Variants in BEGAIN observed in about 807,000 individuals in gnomAD.
BEGAIN encodes the protein brain-enriched guanylate kinase-associated protein.
A neutral mutation model predicts 35.8 loss-of-function variants in BEGAIN; 19 were observed. The observed-to-expected ratio is 0.53, with a 90% confidence interval of 0.37 to 0.78. BEGAIN has a LOEUF of 0.78. BEGAIN is among the 30% of genes least tolerant of loss of function. The pLI is 0.00. For missense variants in BEGAIN, 795 were observed against 853.6 expected (o/e 0.93, Z 0.85); for synonymous variants, 462 against 388.6 (o/e 1.19, Z -2.22).
At chr14:100,556,146 C>CA (rs1225173669) in intron 2 of BEGAIN, among the ~76,000 whole-genome samples, 1 of 152,120 alleles carries the variant, frequency 6.6e-6, no homozygotes, top group Non-Finnish European at 1.5e-5. Context: ...GATTTGGGCT[C>CA]AAGGCCTCCC....
chr14:100,546,102 C>A (rs1175366704), intron 3 of BEGAIN: 1 of 166,640 alleles, frequency 6.0e-6, no homozygotes, highest in Non-Finnish European at 1.4e-5. Context: ...TGGTTCATCT[C>A]CGGGCTAGAC....
chr14:100,584,298 C>A (rs2139771130), intron 1 of BEGAIN, among the ~76,000 whole-genome samples: 1 of 152,288 alleles, frequency 6.6e-6, no homozygotes, highest in South Asian at 2.1e-4. Context: ...TGATCCCCAC[C>A]CCAGGCAGAC....
intron 2 of BEGAIN, 22 bp from the exon 3 acceptor site, chr14:100,546,684 G>A: frequency 6.5e-7 from 1 of 1,542,208 alleles, no homozygotes; most frequent in Non-Finnish European, 8.7e-7. Context: ...TGGCGGCGGC[G>A]GGCCGGGCCG....
At chr14:100,576,570 G>A (rs997553370) in intron 1 of BEGAIN, among the ~76,000 whole-genome samples, 3 of 152,118 alleles carry the variant, frequency 2.0e-5, no homozygotes, top group Non-Finnish European at 2.9e-5. Flanking sequence ...CCCATCCCAC[G>A]GCCTCCGTCT....
intron 2 of BEGAIN, among the ~76,000 whole-genome samples, chr14:100,551,487 C>T (rs542097897): frequency 1.3e-5 from 2 of 152,288 alleles, no homozygotes; most frequent in African/African-American, 4.8e-5. Flanking sequence ...GATGGGCGTG[C>T]TCAGAAAAAG....
chr14:100,566,655 C>T (rs1335591068), intron 2 of BEGAIN, among the ~76,000 whole-genome samples: 1 of 152,160 alleles, frequency 6.6e-6, no homozygotes, highest in East Asian at 1.9e-4. Flanking sequence ...GCTCTTTGGG[C>T]CTCACCGCCC....
intron 1 of BEGAIN, among the ~76,000 whole-genome samples, chr14:100,576,378 A>C (rs1888581): frequency 0.28 from 43,072 of 151,994 alleles, 6,583 homozygotes; most frequent in African/African-American, 0.38. Context: ...TGGGGACATA[A>C]TGATGGCGCC....
chr14:100,546,782 A>T (rs888996946), intron 2 of BEGAIN, 120 bp from the exon 3 acceptor site: 2 of 157,794 alleles, frequency 1.3e-5, no homozygotes, highest in Non-Finnish European at 9.8e-6. Context: ...GCGCGCGCGC[A>T]CACACACACA....
Position 100,567,571 on chromosome 14 carries a change from C to T in BEGAIN, c.71+340G>A, listed in dbSNP as rs1417823282. Reference sequence around the variant, plus strand: ...GGCACGAACGGAACCCGGAGGGTCCCCGGGGACCAGCGAGAGTCCAGGGCA... The same window carrying T: ...GGCACGAACGGAACCCGGAGGGTCCTCGGGGACCAGCGAGAGTCCAGGGCA... On this transcript the variant is annotated intron_variant, in intron 2 of 6. Transcript: ENST00000554140. The surrounding 1 kb of genome is among the most constrained non-coding windows in gnomAD (Gnocchi z 5.1). 6.6e-6 allele frequency among the ~76,000 whole-genome samples: 1 copy of T among 151,930 alleles called. No homozygotes were observed. Among genetic ancestry groups the T allele is most frequent in the African/African-American group, 2.4e-5 (1 of 41,404 alleles).
Position 100,568,307 on chromosome 14 carries a change from T to TCCCCCCCCCCCCCCCCTTTACCCCTCCCC in BEGAIN, c.43-369_43-368insGGGGAGGGGTAAAGGGGGGGGGGGGGGGG. On this transcript the variant is annotated intron_variant, in intron 1 of 6. Coordinates refer to ENST00000554140, the MANE Select transcript of BEGAIN (RefSeq NM_001385089.1). The surrounding 1 kb of genome is among the most constrained non-coding windows in gnomAD (Gnocchi z 7.5). ...TCTCCGGCGGCCGCGGCCCCGCTGC[T>TCCCCCCCCCCCCCCCCTTTACCCCTCCCC]CCCCCCGCCCCGCCCGTTAACCCTT... 1.4e-6 allele frequency: 1 copy of TCCCCCCCCCCCCCCCCTTTACCCCTCCCC among 707,820 alleles called. No homozygotes were observed. 43.8% of individuals were successfully genotyped at this position (707,820 alleles called of 1,614,324 possible). A position where few individuals can be genotyped will look rare whatever the true frequency, so the allele number is the denominator to read the frequency against.
chr14:100,575,756 G>A (rs989845123), intron 1 of BEGAIN, among the ~76,000 whole-genome samples: 2 of 152,172 alleles, frequency 1.3e-5, no homozygotes, highest in South Asian at 2.1e-4. Context: ...AAGGAGTCAA[G>A]CTGGGTTCCC....
intron 1 of BEGAIN, chr14:100,577,689 T>G: frequency 2.5e-6 from 1 of 399,042 alleles, no homozygotes; most frequent in Non-Finnish European, 4.4e-6. Context: ...CCCGGCTGCC[T>G]GTGTTCAGGG....
At chr14:100,561,561 C>T (rs1355396851) in intron 2 of BEGAIN, among the ~76,000 whole-genome samples, 2 of 152,006 alleles carry the variant, frequency 1.3e-5, no homozygotes, top group Non-Finnish European at 2.9e-5. Context: ...CCAGCCTGGG[C>T]GACATGGTGA....
rs2033933705 is a variant in BEGAIN at position 100,558,258 on chromosome 14, C to T, written c.71+9653G>A. Among the ~76,000 whole-genome samples, 1 of 152,164 alleles carries T rather than the reference C, an allele frequency of 6.6e-6. No homozygotes were observed. Among genetic ancestry groups the T allele is most frequent in the Admixed American group, 6.5e-5 (1 of 15,278 alleles). On this transcript the variant is annotated intron_variant, in intron 2 of 6. Transcript: ENST00000554140. This position sits in a 1 kb window ranked among gnomAD's most constrained non-coding sequence, Gnocchi z 4.6. ...CTGCCGGGATGGGACCAATGCCCAC[C>T]AGGATCTTGTCCCCTCCATGTCACC...
At chr14:100,562,673 G>A (rs985945210) in intron 2 of BEGAIN, among the ~76,000 whole-genome samples, 1 of 151,066 alleles carries the variant, frequency 6.6e-6, no homozygotes, top group Non-Finnish European at 1.5e-5. Flanking sequence ...GCAGGCCACC[G>A]GTACACCTGC....
At chr14:100,545,278 G>A in intron 3 of BEGAIN, 1 of 1,400,778 alleles carries the variant, frequency 7.1e-7, no homozygotes, top group Non-Finnish European at 9.3e-7. Flanking sequence ...CTAGGCCAGG[G>A]CCCAGGACTG....
intron 5 of BEGAIN, among the ~76,000 whole-genome samples, chr14:100,541,013 G>A (rs1208558576): frequency 1.3e-5 from 2 of 152,230 alleles, no homozygotes; most frequent in African/African-American, 4.8e-5. Context: ...GAGGCAGGAT[G>A]AACCCCCAGC....
chr14:100,537,984 T>G lies in BEGAIN; in HGVS notation c.1824A>C (p.Gly608=). ...ACGCAGGCGCTCAGTTGAGCAAGGT[T>G]CCGTAGAGCTGGGCCTTGGTGAGGC... ...KDSLTKAQLY[G]TLLN The change falls in exon 7 of 7, where the codon GGA becomes GGC. Residue 608 remains glycine (G), a synonymous_variant. Transcript: ENST00000554140. The G allele has an allele frequency of 6.2e-7, 1 of 1,608,874 alleles. No homozygotes were observed. Among genetic ancestry groups the G allele is most frequent in the Non-Finnish European group, 8.5e-7 (1 of 1,178,592 alleles).
At chr14:100,540,199 C>A in intron 6 of BEGAIN, 1 of 438,878 alleles carries the variant, frequency 2.3e-6, no homozygotes, top group South Asian at 3.7e-5. Context: ...GCCGTGTCAG[C>A]GCTCAGTGGA....
Sources: allele counts gnomAD v4.1 joint callset (sites outside exome capture counted in the v4.1 genomes callset), GRCh38; gene constraint gnomAD v4.1.1; non-coding constraint Gnocchi (gnomAD v3.1); transcripts MANE v1.5; gene names NCBI Gene and HGNC (gene_info 2026-07-23, HGNC 2026-07-21).